WDR62: variants seen among roughly 807,000 people sequenced by gnomAD.
The protein encoded by WDR62 is WD repeat domain 62.
A neutral mutation model predicts 160.6 loss-of-function variants in WDR62; 112 were observed. The ratio of observed to expected loss-of-function variants is 0.70; its 90% CI spans 0.60 to 0.82. The LOEUF (loss-of-function observed/expected upper bound fraction) is 0.82. WDR62 is among the 40% of genes least tolerant of loss of function. The pLI is 0.00. For synonymous variants in WDR62, 792 were observed against 815.1 expected, an observed-to-expected ratio of 0.97 and a Z score of 0.48; for missense variants, 1,819 against 1,983.8, an observed-to-expected ratio of 0.92 and a Z score of 1.58.
Position 36,091,448 on chromosome 19 carries a change from C to A in WDR62, c.2193C>A (p.Ile731=), listed in dbSNP as rs1568356820. The A allele has an allele frequency of 3.1e-6, 5 of 1,608,230 alleles. No individual in the cohort carries two copies. The highest frequency in any genetic ancestry group is 4.3e-6 in the Non-Finnish European group (5 of 1,176,324). The stretch of plus-strand genomic sequence containing the variant: ...TCACCTATGACTGTCATCACTTGAT[C>A]ACAGTATCTGGAGACAGGTGGGACA... The part of the protein sequence containing the change: ...MKFTYDCHHL[I]TVSGDSCVFI... The change falls in exon 18 of 32, where the codon ATC becomes ATA. Residue 731 remains isoleucine (I), a synonymous_variant. Transcript: ENST00000401500.
chr19:36,059,076 G>A (rs756875771), intron 2 of WDR62: 10 of 701,014 alleles, frequency 1.4e-5, no homozygotes, highest in African/African-American at 5.3e-5. Context: ...TGCAATGAAA[G>A]CCTTTATTAT....
intron 3 of WDR62, among the ~76,000 whole-genome samples, chr19:36,064,269 AT>A (rs932343943): frequency 2.0e-5 from 3 of 149,948 alleles, no homozygotes; most frequent in African/African-American, 7.4e-5. Flanking sequence ...TGAACGCCAC[AT>A]TTTTTTTTTC....
intron 15 of WDR62, among the ~76,000 whole-genome samples, chr19:36,090,150 G>C (rs1972503186): frequency 6.6e-6 from 1 of 152,228 alleles, no homozygotes; most frequent in Admixed American, 6.5e-5. Context: ...GGGGGAGGCA[G>C]AGAGTGAGTG....
chr19:36,068,344 A>T (rs545151732), intron 7 of WDR62, among the ~76,000 whole-genome samples: 39 of 151,992 alleles, frequency 2.6e-4, no homozygotes, highest in South Asian at 6.2e-4. Flanking sequence ...CTGGTAGAGG[A>T]TTGCATTTTT....
chr19:36,079,209 G>T (rs1397086142), intron 9 of WDR62, among the ~76,000 whole-genome samples: 1 of 151,872 alleles, frequency 6.6e-6, no homozygotes, highest in East Asian at 1.9e-4. Flanking sequence ...AGCCTCCCGA[G>T]TAGCTGGGAC....
intron 11 of WDR62, among the ~76,000 whole-genome samples, chr19:36,083,661 T>C (rs1438891272): frequency 6.6e-6 from 1 of 152,050 alleles, no homozygotes; most frequent in Non-Finnish European, 1.5e-5. Context: ...CTGTTGAGGT[T>C]TGGCAGGATG....
In WDR62 at chr19:36,102,128, C is replaced by T. The variant is rs1183521114; in HGVS notation, c.3197C>T (p.Thr1066Ile). The T allele has an allele frequency of 1.2e-6, 2 of 1,614,012 alleles. No individual in the cohort carries two copies. Among genetic ancestry groups the T allele is most frequent in the Non-Finnish European group, 8.5e-7 (1 of 1,180,056 alleles). Residue 1066 changes from threonine to isoleucine, a missense_variant, in exon 26 of 32, where the codon ACA becomes ATA. Physicochemically the swap from Thr to Ile is moderately conservative, Grantham distance 89. Coordinates refer to ENST00000401500, the MANE Select transcript of WDR62 (RefSeq NM_001083961.2). ...AAGTTCCTCCGCCACCACTTTGAGA[C>T]ACTGACTGAGTCCCCCTGCAGAGGT... ...QEKFLRHHFE[T>I]LTESPCRELF...
At chr19:36,055,241 C>T (rs1013506121) in intron 1 of WDR62, 93 bp downstream of exon 1, 7 of 1,413,114 alleles carry the variant, frequency 5.0e-6, no homozygotes, top group Non-Finnish European at 6.8e-6. Context: ...CATCAGCCCC[C>T]GGCCAGTCCC....
chr19:36,076,436 T>TACA (rs1971572674), intron 9 of WDR62, among the ~76,000 whole-genome samples: 1 of 151,898 alleles, frequency 6.6e-6, no homozygotes, highest in African/African-American at 2.4e-5. Context: ...CAGGCGCCTG[T>TACA]AGTCCTAGCT....
chr19:36,104,993 G>C lies in WDR62; in HGVS notation c.4537G>C (p.Val1513Leu), dbSNP rs1326283170. Residue 1513 changes from valine (V) to leucine (L), a missense_variant, in exon 32 of 32, where the codon GTG (valine) becomes CTG (leucine). Coordinates refer to ENST00000401500, the MANE Select transcript of WDR62 (RefSeq NM_001083961.2). ...ALLEHYSELL[V>L]QAVRRKARGH ...GCTGGAACACTACTCGGAGCTGCTG[G>C]TGCAGGCCGTGCGGAGGAAGGCACG... 1.2e-5 allele frequency: 20 copies of C among 1,601,758 alleles called. No individual in the cohort carries two copies. The highest frequency in any genetic ancestry group is 1.6e-5 in the Non-Finnish European group (19 of 1,177,380).
intron 3 of WDR62, 83 bp downstream of exon 3, chr19:36,060,113 C>A: frequency 1.5e-6 from 2 of 1,366,636 alleles, no homozygotes; most frequent in Non-Finnish European, 2.1e-6. Context: ...TGGAGATACT[C>A]ATGGGTAGGT....
Position 36,054,984 on chromosome 19 carries a change from G to C in WDR62, c.13G>C (p.Gly5Arg), listed in dbSNP as rs748255114. Residue 5 changes from glycine (G) to arginine (R), a missense_variant, in exon 1 of 32, where the codon GGG (glycine) becomes CGG (arginine). Gly to Arg is a moderately radical substitution (Grantham distance 125). Around this residue, in one of 3 missense-constraint regions of WDR62, gnomAD observed 115 missense variants for 92.4 expected, o/e 1.24. Coordinates refer to ENST00000401500, the MANE Select transcript of WDR62 (RefSeq NM_001083961.2). Reference sequence around the variant, plus strand: ...CTCCGGCGTGACGATGGCGGCCGTAGGGTCCGGAGGCTATGCGCGGAACGA... The same window carrying C: ...CTCCGGCGTGACGATGGCGGCCGTACGGTCCGGAGGCTATGCGCGGAACGA... MAAV[G>R]SGGYARNDAG... The C allele has an allele frequency of 1.6e-5, 26 of 1,603,618 alleles. No individual in the cohort carries two copies. The South Asian group carries it at 2.6e-4, about 16-fold the overall frequency.
In WDR62 at chr19:36,103,592, T is replaced by C. The variant is rs769985838; in HGVS notation, c.3764T>C (p.Val1255Ala). The C allele has an allele frequency of 1.2e-6, 2 of 1,613,186 alleles. No individual in the cohort carries two copies. The highest frequency in any genetic ancestry group is 1.7e-6 in the Non-Finnish European group (2 of 1,179,992). ...LAQPLRRPSS[V>A]GELASLGQEL... ...CAGCCCCTCCGTAGGCCATCGTCCG[T>C]TGGGGAGCTGGCCTCCTTGGGCCAG... The change falls in exon 30 of 32, where the codon GTT (valine) becomes GCT (alanine). Residue 1255 changes from valine to alanine, a missense_variant. Around this residue, in one of 3 missense-constraint regions of WDR62, gnomAD observed 770 missense variants for 734.2 expected, o/e 1.05. Coordinates refer to ENST00000401500, the MANE Select transcript of WDR62 (RefSeq NM_001083961.2).
rs149192461 is a variant in WDR62 at position 36,086,809 on chromosome 19, G to A, written c.1765G>A (p.Ala589Thr). The change falls in exon 13 of 32, where the codon GCT becomes ACT. Residue 589 changes from alanine to threonine, a missense_variant. Transcript: ENST00000401500. ...HSSSITAIKF[A>T]GNRDIQMISC... Reference sequence around the variant, plus strand: ...CTCCTCCATCACCGCCATCAAGTTCGCTGGTGAGCCCCTTTCTTCCCGCTC... The same window carrying A: ...CTCCTCCATCACCGCCATCAAGTTCACTGGTGAGCCCCTTTCTTCCCGCTC... The A allele has an allele frequency of 1.4e-5, 22 of 1,609,254 alleles. No homozygotes were observed. The highest frequency in any genetic ancestry group is 5.3e-5 in the African/African-American group (4 of 74,814).
At chr19:36,076,486 AG>A (rs927800317) in intron 9 of WDR62, among the ~76,000 whole-genome samples, 2 of 151,382 alleles carry the variant, frequency 1.3e-5, no homozygotes, top group African/African-American at 4.9e-5. Context: ...TGAACCCGGG[AG>A]GCAGAGGTTG....
chr19:36,087,784 A>C (rs1972338685), intron 13 of WDR62, among the ~76,000 whole-genome samples: 2 of 152,114 alleles, frequency 1.3e-5, no homozygotes, highest in Admixed American at 6.6e-5. Context: ...GTTTCACTGC[A>C]CTCCAGTCTG....
At chr19:36,095,104 G>A (rs926551973) in intron 20 of WDR62, among the ~76,000 whole-genome samples, 2 of 152,190 alleles carry the variant, frequency 1.3e-5, no homozygotes, top group Non-Finnish European at 2.9e-5. Flanking sequence ...GCTTAAGTCA[G>A]GAAGAGGATT....
intron 30 of WDR62, 51 bp from the exon 31 acceptor site, chr19:36,104,467 C>T: frequency 6.2e-7 from 1 of 1,606,346 alleles, no homozygotes; most frequent in Non-Finnish European, 8.5e-7. Flanking sequence ...TCTGGCCGCT[C>T]ACACCAATGG....
intron 9 of WDR62, 188 bp downstream of exon 9, chr19:36,073,719 A>C (rs983946915): frequency 4.4e-6 from 3 of 680,756 alleles, no homozygotes; most frequent in Non-Finnish European, 8.1e-6. Flanking sequence ...TGGATGGGAA[A>C]GGAAACCTGG....
Sources: gnomAD v4.1 joint callset for allele counts (sites outside exome capture counted in the v4.1 genomes callset) on GRCh38, gnomAD v4.1.1 for gene constraint, gnomAD v4.1.1 regional missense constraint, MANE v1.5 for transcripts, NCBI Gene and HGNC (gene_info 2026-07-23, HGNC 2026-07-21) for gene names.